The following TTLL11 variants were observed in gnomAD, a reference collection of about 807,000 sequenced individuals.
TTLL11 encodes the protein tubulin tyrosine ligase like 11, also known as tubulin polyglutamylase TTLL11.
Under a neutral mutation model 51.7 loss-of-function variants are expected in TTLL11, and 42 were observed. The ratio of observed to expected loss-of-function variants is 0.81; its 90% CI spans 0.64 to 1.05. The LOEUF is 1.05. TTLL11 is among the 50% of genes least tolerant of loss of function. The pLI is 0.00. For synonymous variants in TTLL11, 381 were observed against 383.5 expected, an observed-to-expected ratio of 0.99 and a Z score of 0.08; for missense variants, 799 against 940.4, an observed-to-expected ratio of 0.85 and a Z score of 1.97.
At chr9:121,928,274 G>C in intron 6 of TTLL11, among the ~76,000 whole-genome samples, 1 of 152,056 alleles carries the variant, frequency 6.6e-6, no homozygotes, top group Non-Finnish European at 1.5e-5. Context: ...CAGCTTTATT[G>C]GGATGTAATT....
intron 8 of TTLL11, among the ~76,000 whole-genome samples, chr9:121,858,658 G>C (rs749108308): frequency 6.6e-5 from 10 of 152,016 alleles, no homozygotes; most frequent in Non-Finnish European, 1.3e-4. Context: ...CAGCTGCCAG[G>C]CAGACTGCCC....
At chr9:122,066,763 A>G (rs1845594994) in intron 1 of TTLL11, among the ~76,000 whole-genome samples, 1 of 152,172 alleles carries the variant, frequency 6.6e-6, no homozygotes. Flanking sequence ...GTTATCAAGA[A>G]CTGCCCCAGA....
chr9:122,084,282 T>C (rs1346790610), intron 1 of TTLL11, among the ~76,000 whole-genome samples: 3 of 152,012 alleles, frequency 2.0e-5, no homozygotes, highest in Non-Finnish European at 2.9e-5. Flanking sequence ...GAGAAGCATA[T>C]GGGAGAGGGA....
At chr9:121,873,830 ACTT>A (rs1319416164) in intron 6 of TTLL11, among the ~76,000 whole-genome samples, 1 of 69,874 alleles carries the variant, frequency 1.4e-5, no homozygotes, top group Non-Finnish European at 2.5e-5. Flanking sequence ...CATTAGCCTG[ACTT>A]TTTTTTTTTT....
chr9:122,040,989 G>A (rs1844831312), intron 1 of TTLL11, among the ~76,000 whole-genome samples: 1 of 152,126 alleles, frequency 6.6e-6, no homozygotes, highest in Non-Finnish European at 1.5e-5. Context: ...CCGAGCAAAG[G>A]GTAAAGTGGC....
At chr9:121,938,901 T>C (rs1353665330) in intron 6 of TTLL11, among the ~76,000 whole-genome samples, 1 of 152,210 alleles carries the variant, frequency 6.6e-6, no homozygotes, top group African/African-American at 2.4e-5. Flanking sequence ...TATCCATTCT[T>C]TTAACAGCTA....
intron 6 of TTLL11, among the ~76,000 whole-genome samples, chr9:121,961,912 C>A (rs1842239378): frequency 1.3e-5 from 2 of 152,076 alleles, no homozygotes; most frequent in Non-Finnish European, 2.9e-5. Context: ...AAAAATTAGC[C>A]AGGCGTGGTG....
chr9:122,007,207 A>C (rs1353464351), intron 3 of TTLL11, among the ~76,000 whole-genome samples: 2 of 152,110 alleles, frequency 1.3e-5, no homozygotes, highest in Non-Finnish European at 2.9e-5. Flanking sequence ...AAAAGAAACC[A>C]GGCTTTCTTG....
chr9:121,839,569 CTTGA>C (rs975274610), intron 8 of TTLL11, among the ~76,000 whole-genome samples: 3 of 152,168 alleles, frequency 2.0e-5, no homozygotes, highest in African/African-American at 7.2e-5. Flanking sequence ...GGCCTTCTTT[CTTGA>C]TTGTCTTTAA....
At chr9:121,958,874 C>T (rs1027995748) in intron 6 of TTLL11, among the ~76,000 whole-genome samples, 9 of 152,080 alleles carry the variant, frequency 5.9e-5, no homozygotes, top group Non-Finnish European at 8.8e-5. Flanking sequence ...AGAGGAGGCT[C>T]GCTGGGGAAG....
At chr9:121,966,114 C>A (rs1298738031) in intron 6 of TTLL11, among the ~76,000 whole-genome samples, 1 of 152,174 alleles carries the variant, frequency 6.6e-6, no homozygotes, top group Non-Finnish European at 1.5e-5. Context: ...GAATTAGGAC[C>A]ACAGCTGCTT....
intron 6 of TTLL11, among the ~76,000 whole-genome samples, chr9:121,924,714 A>AG (rs1216760594): frequency 6.6e-6 from 1 of 151,858 alleles, no homozygotes; most frequent in Non-Finnish European, 1.5e-5. Context: ...GAAAAAAAAA[A>AG]CAGGCCCAGG....
intron 6 of TTLL11, among the ~76,000 whole-genome samples, chr9:121,966,824 G>T (rs1048921384): frequency 6.6e-6 from 1 of 152,150 alleles, no homozygotes; most frequent in African/African-American, 2.4e-5. Context: ...GCTTCCCCAT[G>T]TATGATTCAG....
intron 6 of TTLL11, among the ~76,000 whole-genome samples, chr9:121,872,258 C>T (rs1375896320): frequency 6.6e-6 from 1 of 152,222 alleles, no homozygotes; most frequent in Non-Finnish European, 1.5e-5. Flanking sequence ...TCAAAACCAG[C>T]TGAGATGGCT....
intron 1 of TTLL11, among the ~76,000 whole-genome samples, chr9:122,060,080 T>A (rs1044092602): frequency 1.3e-5 from 2 of 152,234 alleles, no homozygotes; most frequent in African/African-American, 4.8e-5. Flanking sequence ...AGGGCTGGCC[T>A]GATTAGATCC....
At chr9:122,015,268 G>A (rs569759207) in intron 3 of TTLL11, among the ~76,000 whole-genome samples, 3 of 152,154 alleles carry the variant, frequency 2.0e-5, no homozygotes, top group South Asian at 2.1e-4. Context: ...AGATGATATC[G>A]TTTTCCCAGT....
chr9:121,881,211 C>T (rs553481493), intron 6 of TTLL11, among the ~76,000 whole-genome samples: 2 of 152,298 alleles, frequency 1.3e-5, no homozygotes, highest in South Asian at 4.1e-4. Flanking sequence ...TACTCAGTGC[C>T]TATCTGCAAC....
chr9:121,891,180 A>G (rs4633124), intron 6 of TTLL11, among the ~76,000 whole-genome samples: 8,586 of 152,242 alleles, frequency 0.056, 279 homozygotes, highest in Middle Eastern at 0.088. Flanking sequence ...CCAGGGCAGG[A>G]AGACCTTGCT....
chr9:122,089,663 C>T (rs1254818700), intron 1 of TTLL11, among the ~76,000 whole-genome samples: 3 of 152,158 alleles, frequency 2.0e-5, no homozygotes, highest in Non-Finnish European at 4.4e-5. Context: ...ATATGCTGTG[C>T]ATTAGGGACA....
Sources: allele counts gnomAD v4.1 joint callset (sites outside exome capture counted in the v4.1 genomes callset), GRCh38; gene constraint gnomAD v4.1.1; transcripts MANE v1.5; gene names NCBI Gene and HGNC (gene_info 2026-07-23, HGNC 2026-07-21).